The following MBD5 variants were observed in gnomAD, a reference collection of about 807,000 sequenced individuals.
The protein encoded by MBD5 is methyl-CpG-binding domain protein 5.
Under a neutral mutation model 117.3 loss-of-function variants are expected in MBD5, and 13 were observed. The observed-to-expected ratio is 0.11, with a 90% CI of 0.07 to 0.18. The LOEUF is 0.18. Ranked by LOEUF, MBD5 falls within the 10% of genes least tolerant of loss-of-function variation. MBD5 has a pLI of 1.00. For missense variants in MBD5, 1,879 were observed against 2,093.8 expected (o/e 0.90, Z 2.00); for synonymous variants, 727 against 766.4 (o/e 0.95, Z 0.85).
At chr2:148,134,921 C>T (rs1558940000) in intron 1 of MBD5, among the ~76,000 whole-genome samples, 1 of 152,112 alleles carries the variant, frequency 6.6e-6, no homozygotes, top group Non-Finnish European at 1.5e-5. Flanking sequence ...TGAGTAGTTT[C>T]CTCGGACAGG....
chr2:148,158,279 A>G (rs1324668117), intron 1 of MBD5, among the ~76,000 whole-genome samples: 1 of 152,238 alleles, frequency 6.6e-6, no homozygotes, highest in Non-Finnish European at 1.5e-5. Context: ...AATGTTGAAT[A>G]TAAAAGTATG....
intron 1 of MBD5, among the ~76,000 whole-genome samples, chr2:148,160,838 G>A (rs1697991380): frequency 1.3e-5 from 2 of 152,054 alleles, no homozygotes; most frequent in African/African-American, 2.4e-5. Flanking sequence ...AGCTTGCATG[G>A]CATTTTATTT....
intron 3 of MBD5, among the ~76,000 whole-genome samples, chr2:148,335,648 G>A (rs770039149): frequency 2.1e-4 from 32 of 152,030 alleles, no homozygotes; most frequent in Non-Finnish European, 4.0e-4. Context: ...TGAGCCCAGA[G>A]GTCAAAGTTG....
chr2:148,292,036 CT>C (rs1285329701), intron 3 of MBD5, among the ~76,000 whole-genome samples: 1 of 152,186 alleles, frequency 6.6e-6, no homozygotes, highest in African/African-American at 2.4e-5. Context: ...AACTAGACCC[CT>C]ATCTCTCACC....
At chr2:148,327,235 G>C (rs978386952) in intron 3 of MBD5, among the ~76,000 whole-genome samples, 1 of 151,986 alleles carries the variant, frequency 6.6e-6, no homozygotes, top group Non-Finnish European at 1.5e-5. Context: ...TCCCTTTGAG[G>C]GTAGCCTGAC....
intron 3 of MBD5, among the ~76,000 whole-genome samples, chr2:148,275,779 T>C (rs1286983208): frequency 6.6e-6 from 1 of 152,132 alleles, no homozygotes; most frequent in Non-Finnish European, 1.5e-5. Context: ...CTTTTTTTTT[T>C]TGGCTCATTT....
chr2:148,306,977 CAT>C (rs1036891395), intron 3 of MBD5, among the ~76,000 whole-genome samples: 1 of 152,086 alleles, frequency 6.6e-6, no homozygotes, highest in African/African-American at 2.4e-5. Flanking sequence ...TGTAATTTAA[CAT>C]GTCAAATACA....
chr2:148,395,676 C>T (rs901231852), intron 4 of MBD5, among the ~76,000 whole-genome samples: 2 of 152,174 alleles, frequency 1.3e-5, no homozygotes, highest in East Asian at 1.9e-4. Flanking sequence ...CCACCCTCCT[C>T]GGCCTCTCAA....
At chr2:148,472,682 C>G (rs770196039) in intron 8 of MBD5, among the ~76,000 whole-genome samples, 2 of 152,056 alleles carry the variant, frequency 1.3e-5, no homozygotes, top group African/African-American at 4.8e-5. Flanking sequence ...GGTAGGCATT[C>G]AGAATGAGAC....
At chr2:148,294,507 T>TTTTTTTTTTTTTTTTTTTTTGTTTG (rs1701596168) in intron 3 of MBD5, among the ~76,000 whole-genome samples, 1 of 124,216 alleles carries the variant, frequency 8.1e-6, no homozygotes, top group African/African-American at 3.3e-5. Context: ...TACAGTTTTT[T>TTTTTTTTTTTTTTTTTTTTTGTTTG]TTTTTTTTTT....
intron 3 of MBD5, among the ~76,000 whole-genome samples, chr2:148,302,844 C>G (rs1012287221): frequency 6.6e-6 from 1 of 151,572 alleles, no homozygotes; most frequent in African/African-American, 2.4e-5. Flanking sequence ...CTTGCCCAGG[C>G]TTCTGTTTTA....
chr2:148,384,311 C>T (rs2105466005), intron 4 of MBD5, among the ~76,000 whole-genome samples: 1 of 152,218 alleles, frequency 6.6e-6, no homozygotes, highest in East Asian at 1.9e-4. Flanking sequence ...TTCTTATACA[C>T]CAATAACAGA....
At chr2:148,245,966 ATT>A (rs1287557335) in intron 3 of MBD5, among the ~76,000 whole-genome samples, 9 of 152,170 alleles carry the variant, frequency 5.9e-5, no homozygotes, top group African/African-American at 2.2e-4. Flanking sequence ...TATTAAACTG[ATT>A]GGTATGTGAT....
intron 3 of MBD5, among the ~76,000 whole-genome samples, chr2:148,238,786 C>T (rs960426401): frequency 3.3e-5 from 5 of 152,006 alleles, no homozygotes; most frequent in Admixed American, 2.0e-4. Context: ...TCAATCTTTG[C>T]GTTCATCATC....
At chr2:148,205,817 G>A (rs2105980686) in intron 2 of MBD5, among the ~76,000 whole-genome samples, 1 of 152,204 alleles carries the variant, frequency 6.6e-6, no homozygotes, top group Non-Finnish European at 1.5e-5. Context: ...CTTGAGCCCA[G>A]GAGTTTGAGA....
intron 1 of MBD5, among the ~76,000 whole-genome samples, chr2:148,132,556 A>G (rs938845997): frequency 3.9e-5 from 6 of 152,116 alleles, no homozygotes; most frequent in African/African-American, 1.4e-4. Flanking sequence ...GAATCCTCAT[A>G]CATCTTTTCC....
intron 3 of MBD5, among the ~76,000 whole-genome samples, chr2:148,316,766 AAGG>A (rs1702166986): frequency 1.3e-5 from 2 of 152,206 alleles, no homozygotes; most frequent in Non-Finnish European, 2.9e-5. Context: ...TAAAAGGAAA[AAGG>A]AGGAAAATTG....
intron 1 of MBD5, among the ~76,000 whole-genome samples, chr2:148,158,886 A>AT (rs550222053): frequency 7.6e-4 from 116 of 152,070 alleles, no homozygotes; most frequent in Middle Eastern, 3.4e-3. Flanking sequence ...TGCCTGGCTA[A>AT]TTTTTTTTGG....
intron 2 of MBD5, among the ~76,000 whole-genome samples, chr2:148,199,497 G>A (rs775880387): frequency 3.9e-5 from 6 of 152,104 alleles, no homozygotes; most frequent in East Asian, 3.9e-4. Context: ...GGCCAGGCAC[G>A]GTGGCTCATG....
Sources: gnomAD v4.1 joint callset for allele counts (sites outside exome capture counted in the v4.1 genomes callset) on GRCh38, gnomAD v4.1.1 for gene constraint, MANE v1.5 for transcripts, NCBI Gene and HGNC (gene_info 2026-07-23, HGNC 2026-07-21) for gene names.